TAMM41: variants seen among roughly 807,000 people sequenced by gnomAD.
TAMM41 encodes the protein phosphatidate cytidylyltransferase, mitochondrial.
A neutral mutation model predicts 44.1 loss-of-function variants in TAMM41; 36 were observed. That is an observed-to-expected ratio of 0.82 (90% CI 0.63 to 1.08). The LOEUF (loss-of-function observed/expected upper bound fraction) is 1.08, where lower values mean the gene tolerates loss of function less well. Ranked by LOEUF, TAMM41 falls within the 50% of genes least tolerant of loss-of-function variation. The pLI is 0.00. For missense variants in TAMM41, 417 were observed against 404.3 expected (o/e 1.03, Z -0.27); for synonymous variants, 164 against 153.1 (o/e 1.07, Z -0.53).
intron 5 of TAMM41, among the ~76,000 whole-genome samples, chr3:11,812,247 G>GA (rs2078110500): frequency 6.6e-6 from 1 of 152,038 alleles, no homozygotes. Flanking sequence ...AAAGAGTAAA[G>GA]AAAAAATAAA....
At chr3:11,768,577 T>C in the TAMM41 span, among the ~76,000 whole-genome samples, 1 of 152,380 alleles carries the variant, frequency 6.6e-6, no homozygotes, top group African/African-American at 2.4e-5. Context: ...CAAGTACCTA[T>C]GCTATTCCAG....
At chr3:11,733,848 G>A in the TAMM41 span, among the ~76,000 whole-genome samples, 2 of 152,008 alleles carry the variant, frequency 1.3e-5, no homozygotes, top group East Asian at 1.9e-4. Flanking sequence ...CAGGTATTCT[G>A]GAAGAACAAA....
chr3:11,801,596 G>A (rs1468953581), intron 7 of TAMM41, among the ~76,000 whole-genome samples: 1 of 152,120 alleles, frequency 6.6e-6, no homozygotes, highest in Non-Finnish European at 1.5e-5. Context: ...AAAGTGCTGG[G>A]ATTACAGGCA....
chr3:11,822,752 T>G (rs2078573273), intron 4 of TAMM41, among the ~76,000 whole-genome samples: 1 of 152,278 alleles, frequency 6.6e-6, no homozygotes, highest in Non-Finnish European at 1.5e-5. Flanking sequence ...TAGTCCATCG[T>G]ACAGATGCAC....
chr3:11,809,807 G>T, intron 5 of TAMM41, 125 bp from the exon 6 acceptor site: 2 of 907,608 alleles, frequency 2.2e-6, no homozygotes, highest in East Asian at 2.6e-5. Flanking sequence ...TGGCGAGGCA[G>T]CAAGCTAAGG....
intron 7 of TAMM41, among the ~76,000 whole-genome samples, chr3:11,801,499 A>T (rs994842877): frequency 1.3e-5 from 2 of 151,898 alleles, no homozygotes; most frequent in Non-Finnish European, 2.9e-5. Context: ...TGCACAGCTA[A>T]TTTTTTTGTA....
the TAMM41 span, among the ~76,000 whole-genome samples, chr3:11,737,477 C>T: frequency 2.0e-5 from 3 of 152,058 alleles, no homozygotes; most frequent in South Asian, 2.1e-4. Flanking sequence ...CCCACCACCA[C>T]GCCCAGCTAA....
intron 4 of TAMM41, among the ~76,000 whole-genome samples, chr3:11,827,311 T>C (rs1279313056): frequency 3.2e-5 from 1 of 30,936 alleles, no homozygotes; most frequent in Non-Finnish European, 4.8e-5. Flanking sequence ...TTTCTTTTCT[T>C]TTTTTTTTTT....
the TAMM41 span, among the ~76,000 whole-genome samples, chr3:11,738,966 C>A: frequency 6.6e-6 from 1 of 152,210 alleles, no homozygotes; most frequent in Non-Finnish European, 1.5e-5. Context: ...TGGGCCCAGC[C>A]CACCTTTTGG....
intron 5 of TAMM41, among the ~76,000 whole-genome samples, chr3:11,813,642 G>T (rs957310971): frequency 1.3e-5 from 2 of 152,090 alleles, no homozygotes; most frequent in Non-Finnish European, 2.9e-5. Context: ...GTATTTTAGT[G>T]CCTCATTCTT....
the TAMM41 span, among the ~76,000 whole-genome samples, chr3:11,779,819 C>T: frequency 5.3e-5 from 8 of 152,310 alleles, no homozygotes; most frequent in African/African-American, 1.4e-4. Context: ...TGTTCAGACC[C>T]GAATTCATCA....
the TAMM41 span, among the ~76,000 whole-genome samples, chr3:11,736,755 A>T: frequency 1.3e-5 from 2 of 152,176 alleles, no homozygotes; most frequent in East Asian, 3.9e-4. Context: ...GTTCTATACA[A>T]GAGGGTATAG....
intron 7 of TAMM41, among the ~76,000 whole-genome samples, chr3:11,800,848 AAT>A (rs1354557738): frequency 6.6e-6 from 1 of 152,220 alleles, no homozygotes; most frequent in African/African-American, 2.4e-5. Flanking sequence ...ACATCTACAG[AAT>A]ATATGTTCTT....
chr3:11,784,796 C>CTTT, the TAMM41 span, among the ~76,000 whole-genome samples: 29 of 108,948 alleles, frequency 2.7e-4, no homozygotes, highest in African/African-American at 6.5e-4. Flanking sequence ...CTTTTCTTTT[C>CTTT]TTTTTTTTTT....
At chr3:11,762,990 A>G in the TAMM41 span, among the ~76,000 whole-genome samples, 1 of 152,242 alleles carries the variant, frequency 6.6e-6, no homozygotes, top group African/African-American at 2.4e-5. Context: ...GTAAGCCAAG[A>G]TGGCACCACT....
At chr3:11,806,704 A>G (rs2077919622) in intron 7 of TAMM41, among the ~76,000 whole-genome samples, 1 of 152,210 alleles carries the variant, frequency 6.6e-6, no homozygotes, top group Non-Finnish European at 1.5e-5. Flanking sequence ...CATTTTTCTT[A>G]TATGCTTATA....
chr3:11,822,271 C>T (rs915190956), intron 4 of TAMM41, among the ~76,000 whole-genome samples: 2 of 152,160 alleles, frequency 1.3e-5, no homozygotes, highest in African/African-American at 4.8e-5. Flanking sequence ...ATTGATATGG[C>T]AAAATAATAT....
At chr3:11,808,638 C>G in intron 6 of TAMM41, 1 of 983,972 alleles carries the variant, frequency 1.0e-6, no homozygotes, top group Non-Finnish European at 1.2e-6. Flanking sequence ...TTCTCAATTT[C>G]ATAAATATTT....
chr3:11,799,568 A>T (rs895373526), intron 7 of TAMM41, among the ~76,000 whole-genome samples: 3 of 152,242 alleles, frequency 2.0e-5, no homozygotes, highest in African/African-American at 7.2e-5. Flanking sequence ...GTGAGGTAAC[A>T]TACATTCTGT....
Sources: gnomAD v4.1 joint callset for allele counts (sites outside exome capture counted in the v4.1 genomes callset) on GRCh38, gnomAD v4.1.1 for gene constraint, MANE v1.5 for transcripts, NCBI Gene and HGNC (gene_info 2026-07-23, HGNC 2026-07-21) for gene names.